Variants in IFT20 observed in about 807,000 individuals in gnomAD.
IFT20 encodes intraflagellar transport protein 20 homolog.
Under a neutral mutation model 16.9 loss-of-function variants are expected in IFT20, and 4 were observed. The ratio of observed to expected loss-of-function variants is 0.24; its 90% confidence interval spans 0.12 to 0.54. The LOEUF (loss-of-function observed/expected upper bound fraction) is 0.54. Among genes scored for constraint, IFT20 ranks in the 20% least tolerant of loss-of-function variants. The probability of loss-of-function intolerance (pLI) is 0.95; values close to 1 mark genes in which losing one functional copy is unlikely to be tolerated. For synonymous variants in IFT20, 48 were observed against 49.9 expected (o/e 0.96, Z 0.16); for missense variants, 154 against 149.7 (o/e 1.03, Z -0.15).
intron 1 of IFT20, 124 bp from the exon 2 acceptor site, chr17:28,332,111 C>G (rs781862285): frequency 1.9e-6 from 3 of 1,586,834 alleles, no homozygotes; most frequent in East Asian, 4.5e-5. Flanking sequence ...CCAAAGGATC[C>G]CCGTTCCCTC....
In IFT20 at chr17:28,328,337, C is replaced by A; in HGVS notation, c.*315G>T. 3.9e-6 allele frequency: 1 copy of A among 258,578 alleles called. No homozygotes were observed. The highest frequency in any genetic ancestry group is 6.4e-5 in the South Asian group (1 of 15,720). 16.0% of individuals were successfully genotyped at this position (258,578 alleles called of 1,614,324 possible). A position where few individuals can be genotyped will look rare whatever the true frequency, so the allele number is the denominator to read the frequency against. ...AAAGGTACATCAAGCCATTTGAAAA[C>A]AAAAATTTATTGCTTCTCCTTCCAA... On this transcript the variant is annotated 3_prime_UTR_variant, in exon 5 of 5. Transcript: ENST00000395418.
At position 28,328,465 on chromosome 17, in the gene IFT20, C is replaced by A; in HGVS notation, c.*187G>T. The A allele has an allele frequency of 1.6e-6, 1 of 608,256 alleles. No homozygotes were observed. 37.7% of individuals were successfully genotyped at this position (608,256 alleles called of 1,614,324 possible). A position where few individuals can be genotyped will look rare whatever the true frequency, so the allele number is the denominator to read the frequency against. On this transcript the variant is annotated 3_prime_UTR_variant, in exon 5 of 5. Coordinates refer to ENST00000395418, the MANE Select transcript of IFT20 (RefSeq NM_001267776.2). ...TACACTGCAGGGCCACCAGCAGCAG[C>A]TGTGCACTGATGTTAAAACTGGCTC...
chr17:28,333,759 C>T (rs567156940), intron 1 of IFT20, among the ~76,000 whole-genome samples: 28 of 152,126 alleles, frequency 1.8e-4, no homozygotes, highest in Non-Finnish European at 3.4e-4. Flanking sequence ...GGCAAAATAC[C>T]GTCTCTACAA....
chr17:28,331,820 G>T, intron 2 of IFT20, 39 bp downstream of exon 2: 1 of 1,613,060 alleles, frequency 6.2e-7, no homozygotes, highest in South Asian at 1.1e-5. Context: ...TGAAATGGCA[G>T]CTCAAAGCTG....
chr17:28,328,920 C>CT, intron 4 of IFT20, 187 bp from the exon 5 acceptor site: 1 of 628,070 alleles, frequency 1.6e-6, no homozygotes, highest in Non-Finnish European at 2.8e-6. Context: ...GGAAAGTCTT[C>CT]TTTCAGAGAG....
intron 1 of IFT20, among the ~76,000 whole-genome samples, chr17:28,334,542 A>G (rs2142375964): frequency 6.6e-6 from 1 of 152,376 alleles, no homozygotes; most frequent in South Asian, 2.1e-4. Context: ...CAGACCAACA[A>G]AATCAGACTT....
intron 2 of IFT20, chr17:28,331,619 T>G (rs1414897275): frequency 2.0e-6 from 1 of 498,712 alleles, no homozygotes; most frequent in African/African-American, 1.9e-5. Context: ...AAATGAAAGA[T>G]GGCATATCTA....
intron 1 of IFT20, among the ~76,000 whole-genome samples, chr17:28,333,072 A>AATACACAC (rs1555576831): frequency 6.9e-6 from 1 of 144,478 alleles, no homozygotes; most frequent in East Asian, 2.1e-4. Context: ...TCTGGCTCAA[A>AATACACAC]ACACACACAC....
intron 1 of IFT20, among the ~76,000 whole-genome samples, chr17:28,333,906 G>A (rs944790022): frequency 3.9e-5 from 6 of 152,100 alleles, no homozygotes; most frequent in African/African-American, 1.4e-4. Context: ...ACTCCAGCCT[G>A]GGCAACAGAG....
intron 1 of IFT20, 94 bp from the exon 2 acceptor site, chr17:28,332,081 A>G (rs1555576652): frequency 1.9e-6 from 3 of 1,609,098 alleles, no homozygotes; most frequent in African/African-American, 1.3e-5. Context: ...TTGGACACCA[A>G]TGCCAAAAAC....
intron 4 of IFT20, 161 bp from the exon 5 acceptor site, chr17:28,328,894 G>T: frequency 1.5e-6 from 1 of 646,184 alleles, no homozygotes; most frequent in Non-Finnish European, 2.7e-6. Context: ...CCACCCATGA[G>T]AAATCTCCAG....
At chr17:28,329,324 G>T in intron 3 of IFT20, 48 bp from the exon 4 acceptor site, 2 of 1,450,596 alleles carry the variant, frequency 1.4e-6, no homozygotes, top group Non-Finnish European at 9.6e-7. Context: ...ACCATCTACA[G>T]CATCAAGTCC....
At chr17:28,329,405 C>T (rs1424874504) in intron 3 of IFT20, 129 bp from the exon 4 acceptor site, 1 of 704,888 alleles carries the variant, frequency 1.4e-6, no homozygotes, top group Admixed American at 2.7e-5. Flanking sequence ...AGCCCCAAAG[C>T]TTTTGGGTTA....
intron 1 of IFT20, chr17:28,332,520 ATTTAC>A (rs1266907001): frequency 3.6e-5 from 10 of 278,832 alleles, no homozygotes; most frequent in East Asian, 8.8e-5. Context: ...CCATCAGTGT[ATTTAC>A]TTTATATATC....
chr17:28,332,422 C>T (rs1449615748), intron 1 of IFT20: 12 of 479,946 alleles, frequency 2.5e-5, no homozygotes, highest in African/African-American at 9.8e-5. Flanking sequence ...AACCACACTG[C>T]GTTAAATGCT....
At chr17:28,331,785 G>A (rs1230273607) in intron 2 of IFT20, 74 bp downstream of exon 2, 15 of 1,590,220 alleles carry the variant, frequency 9.4e-6, no homozygotes, top group Admixed American at 6.7e-5. Context: ...ACTGTGGCAG[G>A]GCCAAGATGA....
At chr17:28,334,437 G>T (rs1906996956) in intron 1 of IFT20, among the ~76,000 whole-genome samples, 1 of 152,262 alleles carries the variant, frequency 6.6e-6, no homozygotes, top group African/African-American at 2.4e-5. Context: ...AGGCTAGACA[G>T]GGAGACAACA....
chr17:28,330,240 A>C lies in IFT20; in HGVS notation c.213+203T>G, dbSNP rs1294564866. ...GACACAGCAAGACTCTGTCTCAAAAAAAAAAAAAAAATAAAGATTAAAGGA... is the reference window on the plus strand; with the variant it reads ...GACACAGCAAGACTCTGTCTCAAAACAAAAAAAAAAATAAAGATTAAAGGA... On this transcript the variant is annotated intron_variant, in intron 3 of 4. Transcript: ENST00000395418. The C allele has an allele frequency of 4.9e-6, 3 of 606,858 alleles. No individual in the cohort carries two copies. In the African/African-American group the frequency reaches 5.7e-5, roughly 12 times the overall value. 37.6% of individuals were successfully genotyped at this position (606,858 alleles called of 1,614,324 possible). A position where few individuals can be genotyped will look rare whatever the true frequency, so the allele number is the denominator to read the frequency against.
Position 28,329,246 on chromosome 17 carries a change from T to C in IFT20, c.244A>G (p.Ile82Val), listed in dbSNP as rs147259178. The C allele has an allele frequency of 1.9e-5, 30 of 1,614,042 alleles. No homozygotes were observed. Among genetic ancestry groups the C allele is most frequent in the Non-Finnish European group, 2.4e-5 (28 of 1,180,020 alleles). ...TGTTGAGCTTCTCTCTGCTTTGCTA[T>C]AGATTTGAGCAAGTTCCGAGCACCG... ...AIGARNLLKS[I>V]AKQREAQQQQ... The change falls in exon 4 of 5, where the codon ATA (isoleucine) becomes GTA (valine). Residue 82 changes from isoleucine to valine, a missense_variant. Ile to Val is a conservative substitution (Grantham distance 29). Transcript: ENST00000395418.
Sources: allele counts gnomAD v4.1 joint callset (sites outside exome capture counted in the v4.1 genomes callset), GRCh38; gene constraint gnomAD v4.1.1; transcripts MANE v1.5; gene names NCBI Gene and HGNC (gene_info 2026-07-23, HGNC 2026-07-21).